The following RBFOX1 variants were observed in gnomAD, a reference collection of about 807,000 sequenced individuals.
RBFOX1 encodes the protein RNA binding fox-1 homolog 1.
RBFOX1 carries 8 observed loss-of-function variants against 57.7 expected under a neutral mutation model. The observed-to-expected ratio is 0.14, with a 90% confidence interval of 0.08 to 0.25. The LOEUF is 0.25. RBFOX1 is among the 10% of genes least tolerant of loss of function. RBFOX1 has a pLI of 1.00. For synonymous variants in RBFOX1, 326 were observed against 222.4 expected, an observed-to-expected ratio of 1.47 and a Z score of -4.15; for missense variants, 611 against 548.5, an observed-to-expected ratio of 1.11 and a Z score of -1.14.
chr16:7,702,812 A>T (rs2081203238), intron 14 of RBFOX1, among the ~76,000 whole-genome samples: 1 of 152,226 alleles, frequency 6.6e-6, no homozygotes, highest in African/African-American at 2.4e-5. Context: ...ACCAGCAACA[A>T]TGCAAACCAA....
chr16:5,649,935 C>G (rs540544362), intron 3 of RBFOX1, among the ~76,000 whole-genome samples: 36 of 152,246 alleles, frequency 2.4e-4, no homozygotes, highest in South Asian at 6.2e-4. Flanking sequence ...CACTCGAGTT[C>G]GCAAGAATCG....
At chr16:7,002,088 C>A (rs559640079) in intron 3 of RBFOX1, among the ~76,000 whole-genome samples, 1 of 148,460 alleles carries the variant, frequency 6.7e-6, no homozygotes, top group African/African-American at 2.4e-5. Context: ...TGCTCTTAGA[C>A]GCTATGGAGA....
At chr16:6,831,333 A>T (rs11077090) in intron 3 of RBFOX1, among the ~76,000 whole-genome samples, 2 of 152,034 alleles carry the variant, frequency 1.3e-5, no homozygotes, top group Non-Finnish European at 2.9e-5. Context: ...GTTTTTTCCA[A>T]TGTCTTATTA....
Position 5,377,222 on chromosome 16 carries a change from C to T in RBFOX1, c.220-89994C>T, listed in dbSNP as rs1009881166. 7.3e-5 allele frequency among the ~76,000 whole-genome samples: 11 copies of T among 151,540 alleles called. 1 individual carries two copies. Among genetic ancestry groups the T allele is most frequent in the African/African-American group, 1.7e-4 (7 of 40,862 alleles). ...TCAGACATGACATCTGCCTCCCCCA[C>T]GCACAGCAAGTATGTTCAGGAATGG... On this transcript the variant is annotated intron_variant, in intron 1 of 2. Coordinates refer to the RBFOX1 transcript ENST00000585867.
intron 3 of RBFOX1, among the ~76,000 whole-genome samples, chr16:6,689,412 T>A (rs1163115852): frequency 6.6e-6 from 1 of 152,226 alleles, no homozygotes; most frequent in African/African-American, 2.4e-5. Flanking sequence ...TAGATAATAC[T>A]TTTTTCCTAA....
At chr16:7,208,238 A>G (rs754276979) in intron 4 of RBFOX1, among the ~76,000 whole-genome samples, 1 of 152,196 alleles carries the variant, frequency 6.6e-6, no homozygotes, top group Admixed American at 6.5e-5. Flanking sequence ...CCCTCCACCA[A>G]TTCATATGTT....
At chr16:5,787,228 G>A (rs981994606) in intron 3 of RBFOX1, among the ~76,000 whole-genome samples, 1 of 152,198 alleles carries the variant, frequency 6.6e-6, no homozygotes, top group African/African-American at 2.4e-5. Flanking sequence ...TGGGAGAAAA[G>A]GGAACAGGTG....
intron 4 of RBFOX1, among the ~76,000 whole-genome samples, chr16:7,083,876 G>A (rs1226927739): frequency 6.6e-6 from 1 of 152,042 alleles, no homozygotes; most frequent in African/African-American, 2.4e-5. Flanking sequence ...CCTGAGGAAT[G>A]GTGACTCTGT....
In RBFOX1 at chr16:7,355,446, C is replaced by T. The variant is rs752332491; in HGVS notation, c.28-162701C>T. Among the ~76,000 whole-genome samples, 16 of 152,152 alleles carry T rather than the reference C, an allele frequency of 1.1e-4. 1 individual carries two copies. The highest frequency in any genetic ancestry group is 5.2e-4 in the Admixed American group (8 of 15,280). On this transcript the variant is annotated intron_variant, in intron 4 of 15. Transcript: ENST00000550418. Reference sequence around the variant, plus strand: ...CCCACCCAGAGACAATACCTGCTAACGATTTGGAGTGTGAGTCCGAAACCC... The same window carrying T: ...CCCACCCAGAGACAATACCTGCTAATGATTTGGAGTGTGAGTCCGAAACCC...
At chr16:6,069,753 G>A (rs2095812733) in intron 1 of RBFOX1, among the ~76,000 whole-genome samples, 2 of 152,298 alleles carry the variant, frequency 1.3e-5, no homozygotes, top group Middle Eastern at 3.4e-3. Context: ...TTGGGAGGCT[G>A]AGGTGGGCAG....
At chr16:7,069,513 C>A (rs1214921377) in intron 4 of RBFOX1, among the ~76,000 whole-genome samples, 1 of 152,124 alleles carries the variant, frequency 6.6e-6, no homozygotes, top group African/African-American at 2.4e-5. Flanking sequence ...TATGTCCTTG[C>A]AAAAGACATG....
At chr16:6,480,559 G>T (rs1002894356) in intron 2 of RBFOX1, among the ~76,000 whole-genome samples, 1 of 152,174 alleles carries the variant, frequency 6.6e-6, no homozygotes, top group African/African-American at 2.4e-5. Flanking sequence ...CTAGCAGGCT[G>T]TACAGAAACA....
intron 3 of RBFOX1, among the ~76,000 whole-genome samples, chr16:7,003,262 C>T (rs567764149): frequency 1.3e-5 from 2 of 152,026 alleles, no homozygotes; most frequent in African/African-American, 4.8e-5. Flanking sequence ...AGATCAAGAC[C>T]ATCCTGGCCA....
At chr16:5,943,960 C>T (rs1465317314) in intron 4 of RBFOX1, among the ~76,000 whole-genome samples, 1 of 149,224 alleles carries the variant, frequency 6.7e-6, no homozygotes, top group East Asian at 1.9e-4. Flanking sequence ...TCCATCCATC[C>T]ATCCACCCCC....
intron 5 of RBFOX1, among the ~76,000 whole-genome samples, chr16:7,540,874 C>T (rs1173655471): frequency 6.6e-6 from 1 of 152,162 alleles, no homozygotes; most frequent in African/African-American, 2.4e-5. Flanking sequence ...CCCTAAACTC[C>T]TCATGTGGCC....
At chr16:6,216,764 T>G (rs1029309661) in intron 1 of RBFOX1, among the ~76,000 whole-genome samples, 7 of 152,244 alleles carry the variant, frequency 4.6e-5, no homozygotes, top group Non-Finnish European at 8.8e-5. Context: ...GCCTGAAAAC[T>G]AAAAAGCAAA....
chr16:7,206,295 G>C (rs1023676032), intron 4 of RBFOX1, among the ~76,000 whole-genome samples: 1 of 152,022 alleles, frequency 6.6e-6, no homozygotes, highest in African/African-American at 2.4e-5. Flanking sequence ...TGGGAAGTAG[G>C]TGAAAGTTTT....
chr16:6,768,708 T>G (rs1301378175), intron 3 of RBFOX1, among the ~76,000 whole-genome samples: 1 of 150,284 alleles, frequency 6.7e-6, no homozygotes, highest in Non-Finnish European at 1.5e-5. Flanking sequence ...TATATATATA[T>G]GTATATATGA....
intron 2 of RBFOX1, among the ~76,000 whole-genome samples, chr16:5,559,315 G>A (rs944820990): frequency 6.6e-6 from 1 of 152,082 alleles, no homozygotes; most frequent in Non-Finnish European, 1.5e-5. Context: ...ATTCCATGAC[G>A]TACATCTTAA....
Sources: allele counts gnomAD v4.1 joint callset (sites outside exome capture counted in the v4.1 genomes callset), GRCh38; gene constraint gnomAD v4.1.1; transcripts MANE v1.5; gene names NCBI Gene and HGNC (gene_info 2026-07-23, HGNC 2026-07-21).